The following OR2Z1 variants were observed in gnomAD, a reference collection of about 807,000 sequenced individuals.
OR2Z1 encodes the protein olfactory receptor family 2 subfamily Z member 1, also known as olfactory receptor 2Z1.
For missense variants in OR2Z1, 449 were observed against 401.8 expected, an observed-to-expected ratio of 1.12 and a Z score of -1.00; for synonymous variants, 188 against 160.6, an observed-to-expected ratio of 1.17 and a Z score of -1.29.
Position 8,729,897 on chromosome 19 carries a change from T to C in OR2Z1, c.-169-963T>C, listed in dbSNP as rs1434260704. Among the ~76,000 whole-genome samples the C allele has an allele frequency of 3.3e-5, 5 of 152,146 alleles. No individual in the cohort carries two copies. The East Asian group carries it at 5.8e-4, about 18-fold the overall frequency. ...GAGCCACCATCCCCGGGCTCCAAGA[T>C]GGGGTCTTGTCATGTCACCCAGGCT... On this transcript the variant is annotated intron_variant, in intron 2 of 2. Transcript: ENST00000641125.
In OR2Z1 at chr19:8,731,083, A is replaced by C. The variant is rs2145082710; in HGVS notation, c.55A>C (p.Ser19Arg). ...AGACTTCATTCTGGTGGGCCTCTTCAGTCACTCAGGATCACGCCAGCTCCT... is the reference window on the plus strand; with the variant it reads ...AGACTTCATTCTGGTGGGCCTCTTCCGTCACTCAGGATCACGCCAGCTCCT... Reference protein sequence around the residue: ...ASDFILVGLFSHSGSRQLLFS... With the variant: ...ASDFILVGLFRHSGSRQLLFS... Residue 19 changes from serine (S) to arginine (R), a missense_variant, in exon 3 of 3, where the codon AGT becomes CGT. Physicochemically the swap from Ser to Arg is moderately radical, Grantham distance 110 (BLOSUM62 -1). Coordinates refer to ENST00000641125, the MANE Select transcript of OR2Z1 (RefSeq NM_001004699.3). 6.2e-7 allele frequency: 1 copy of C among 1,614,132 alleles called. No homozygotes were observed. Among genetic ancestry groups the C allele is most frequent in the Non-Finnish European group, 8.5e-7 (1 of 1,180,020 alleles).
Position 8,729,285 on chromosome 19 carries a change from T to C in OR2Z1, c.-169-1575T>C, listed in dbSNP as rs141637072. ...CCAGTGTCTGCTGTTCCCCTATTTA[T>C]ATTCCTGCGTACCCAGTGATTAGCT... On this transcript the variant is annotated intron_variant, in intron 2 of 2. Coordinates refer to ENST00000641125, the MANE Select transcript of OR2Z1 (RefSeq NM_001004699.3). 3.3e-4 allele frequency: 188 copies of C among 567,724 alleles called. 3 individuals are homozygous for C. The highest frequency in any genetic ancestry group is 3.1e-3 in the South Asian group (167 of 53,804). The allele number at this position is 567,724 out of a possible 1,614,324, so 35.2% of individuals were successfully genotyped here. A position where few individuals can be genotyped will look rare whatever the true frequency, so the allele number is the denominator to read the frequency against.
At position 8,731,711 on chromosome 19, in the gene OR2Z1, T is replaced by C. The variant is rs1555756824; in HGVS notation, c.683T>C (p.Met228Thr). Residue 228 changes from methionine (M) to threonine (T), a missense_variant, in exon 3 of 3, where the codon ATG becomes ACG. Physicochemically the swap from Met to Thr is moderately conservative, Grantham distance 81. Transcript: ENST00000641125. ...YGHVLQAVLSMRSEEARHKAV... is the reference protein window; with the variant it reads ...YGHVLQAVLSTRSEEARHKAV... ...CACGTGTTGCAGGCTGTTCTAAGCA[T>C]GCGCTCAGAGGAGGCCAGACACAAG... 2 of 1,614,072 alleles carry C rather than the reference T, an allele frequency of 1.2e-6. No individual in the cohort carries two copies. The highest frequency in any genetic ancestry group is 2.2e-5 in the East Asian group (1 of 44,878).
intron 2 of OR2Z1, among the ~76,000 whole-genome samples, chr19:8,727,495 G>A (rs891373193): frequency 2.0e-5 from 3 of 151,906 alleles, no homozygotes; most frequent in Admixed American, 1.3e-4. Context: ...CATGGCGCAT[G>A]TATACATATG....
At chr19:8,722,691 C>T (rs2043312040) in intron 1 of OR2Z1, among the ~76,000 whole-genome samples, 1 of 151,764 alleles carries the variant, frequency 6.6e-6, no homozygotes, top group African/African-American at 2.4e-5. Flanking sequence ...ATGGGTGGAA[C>T]ATTTTTTTCT....
Position 8,731,500 on chromosome 19 carries a change from A to G in OR2Z1, c.472A>G (p.Ile158Val). Residue 158 changes from isoleucine (I) to valine (V), a missense_variant, in exon 3 of 3, where the codon ATC (isoleucine) becomes GTC (valine). Physicochemically the swap from Ile to Val is conservative, Grantham distance 29. Coordinates refer to ENST00000641125, the MANE Select transcript of OR2Z1 (RefSeq NM_001004699.3). ...SWVVGVLNASIQTSITLHFPY... is the reference protein window; with the variant it reads ...SWVVGVLNASVQTSITLHFPY... ...GGTGGTAGGTGTGCTCAACGCCTCC[A>G]TCCAGACCTCCATCACCCTGCATTT... 2 of 1,614,012 alleles carry G rather than the reference A, an allele frequency of 1.2e-6. No individual in the cohort carries two copies. Among genetic ancestry groups the G allele is most frequent in the Non-Finnish European group, 1.7e-6 (2 of 1,179,998 alleles).
chr19:8,730,865 T>A lies in OR2Z1; in HGVS notation c.-164T>A. 1.6e-6 allele frequency: 1 copy of A among 616,496 alleles called. No individual in the cohort carries two copies. The allele number at this position is 616,496 out of a possible 1,614,324, so 38.2% of individuals were successfully genotyped here. ...ATTAAGTTTTCTCCCTCCAGCCTAC[T>A]GATTCTAGCTGCAGCCTCATTACTC... is the stretch of plus-strand genomic sequence containing the variant. On this transcript the variant is annotated 5_prime_UTR_variant, in exon 3 of 3. Transcript: ENST00000641125.
rs572819062 is a variant in OR2Z1 at position 8,724,254 on chromosome 19, G to T, written c.-170+1104G>T. On this transcript the variant is annotated intron_variant, in intron 2 of 2. Transcript: ENST00000641125. ...GGTCATTTTTTTTTAATTGAGAGAGGGTCTCACTCTGTGTTCTGTTGCCCA... is the reference window on the plus strand; with the variant it reads ...GGTCATTTTTTTTTAATTGAGAGAGTGTCTCACTCTGTGTTCTGTTGCCCA... Among the ~76,000 whole-genome samples, 8 of 151,806 alleles carry T rather than the reference G, an allele frequency of 5.3e-5. No homozygotes were observed. The East Asian group carries it at 1.6e-3, about 29-fold the overall frequency.
At position 8,731,818 on chromosome 19, in the gene OR2Z1, G is replaced by T. The variant is rs373819151; in HGVS notation, c.790G>T (p.Ala264Ser). The T allele has an allele frequency of 2.5e-6, 4 of 1,614,160 alleles. No individual in the cohort carries two copies. The highest frequency in any genetic ancestry group is 4.5e-5 in the East Asian group (2 of 44,870). ...AAVFMYMVPCAYHSPQQDNVV... is the reference protein window; with the variant it reads ...AAVFMYMVPCSYHSPQQDNVV... ...CGTGTTCATGTACATGGTGCCTTGC[G>T]CCTACCACAGTCCACAGCAGGATAA... The change falls in exon 3 of 3, where the codon GCC (alanine) becomes TCC (serine). Residue 264 changes from alanine to serine, a missense_variant. By Grantham distance (99) the Ala-to-Ser change is moderately conservative (BLOSUM62 1). Coordinates refer to ENST00000641125, the MANE Select transcript of OR2Z1 (RefSeq NM_001004699.3).
rs1232380207 is a variant in OR2Z1, at chr19:8,731,362, G to A, written c.334G>A (p.Gly112Ser). 1.2e-6 allele frequency: 2 copies of A among 1,613,932 alleles called. No individual in the cohort carries two copies. Among genetic ancestry groups the A allele is most frequent in the African/African-American group, 2.7e-5 (2 of 74,880 alleles). ...FFLTLMGVAE[G>S]VLLVLMSYDR... ...CCTCACACTGATGGGTGTGGCTGAG[G>A]GCGTCCTGTTGGTCCTCATGTCTTA... Residue 112 changes from glycine (G) to serine (S), a missense_variant, in exon 3 of 3, where the codon GGC (glycine) becomes AGC (serine). Physicochemically the swap from Gly to Ser is moderately conservative, Grantham distance 56 (BLOSUM62 0). Coordinates refer to ENST00000641125, the MANE Select transcript of OR2Z1 (RefSeq NM_001004699.3).
chr19:8,727,825 C>T (rs979249454), intron 2 of OR2Z1, among the ~76,000 whole-genome samples: 12 of 152,206 alleles, frequency 7.9e-5, no homozygotes, highest in African/African-American at 2.7e-4. Flanking sequence ...CAGGATCACG[C>T]CACTGTACTC....
chr19:8,725,154 G>A (rs2043322428), intron 2 of OR2Z1, among the ~76,000 whole-genome samples: 1 of 152,108 alleles, frequency 6.6e-6, no homozygotes, highest in South Asian at 2.1e-4. Context: ...GCTGAAATGA[G>A]TTCAACAATG....
At chr19:8,726,813 C>T (rs1599208176) in intron 2 of OR2Z1, among the ~76,000 whole-genome samples, 1 of 152,320 alleles carries the variant, frequency 6.6e-6, no homozygotes, top group East Asian at 1.9e-4. Context: ...AATAATTCCA[C>T]AGGCAGCCTC....
At chr19:8,725,849 C>T (rs780409166) in intron 2 of OR2Z1, among the ~76,000 whole-genome samples, 1 of 152,186 alleles carries the variant, frequency 6.6e-6, no homozygotes. Flanking sequence ...CTGTACAGGA[C>T]GTATAATGAC....
At chr19:8,728,770 C>T in intron 2 of OR2Z1, 1 of 610,780 alleles carries the variant, frequency 1.6e-6, no homozygotes, top group Non-Finnish European at 3.1e-6. Flanking sequence ...ACATCCAAAG[C>T]ATCATAATCA....
intron 2 of OR2Z1, chr19:8,728,983 C>T: frequency 5.7e-6 from 4 of 704,764 alleles, no homozygotes; most frequent in Non-Finnish European, 1.0e-5. Flanking sequence ...GTGATGATTG[C>T]AGAGTGGCCA....
intron 1 of OR2Z1, 72 bp downstream of exon 1, chr19:8,722,114 G>T (rs2043310055): frequency 6.6e-6 from 1 of 152,024 alleles, no homozygotes; most frequent in African/African-American, 2.4e-5. Flanking sequence ...TCCCTTGCAG[G>T]ACGTATTCAT....
Position 8,731,278 on chromosome 19 carries a change from G to C in OR2Z1, c.250G>C (p.Asp84His). The C allele has an allele frequency of 6.2e-7, 1 of 1,614,162 alleles. No individual in the cohort carries two copies. Residue 84 changes from aspartate (D) to histidine (H), a missense_variant, in exon 3 of 3, where the codon GAC (aspartate) becomes CAC (histidine). Transcript: ENST00000641125. ...PMVTIPKMAS[D>H]FLRGEGATSY... is the part of the protein sequence containing the mutation. ...GGTCACCATCCCCAAGATGGCATCAGACTTTCTGCGGGGAGAAGGTGCCAC... is the reference window on the plus strand; with the variant it reads ...GGTCACCATCCCCAAGATGGCATCACACTTTCTGCGGGGAGAAGGTGCCAC...
At chr19:8,727,605 G>T (rs992505761) in intron 2 of OR2Z1, among the ~76,000 whole-genome samples, 1 of 152,130 alleles carries the variant, frequency 6.6e-6, no homozygotes, top group Non-Finnish European at 1.5e-5. Flanking sequence ...AGTGGCTCAC[G>T]CCTGTAATCC....
Sources: gnomAD v4.1 joint callset for allele counts (sites outside exome capture counted in the v4.1 genomes callset) on GRCh38, gnomAD v4.1.1 for gene constraint, MANE v1.5 for transcripts, NCBI Gene and HGNC (gene_info 2026-07-23, HGNC 2026-07-21) for gene names.